The following ATP9A variants were observed in gnomAD, a reference collection of about 807,000 sequenced individuals.
The protein encoded by ATP9A is probable phospholipid-transporting ATPase IIA.
In ATP9A, 52 loss-of-function variants were observed where a neutral mutation model predicts 144.1. That is an observed-to-expected ratio of 0.36 (90% confidence interval 0.29 to 0.45). ATP9A has a LOEUF of 0.45. ATP9A is among the 20% of genes least tolerant of loss of function. The pLI, the probability that ATP9A is intolerant of heterozygous loss-of-function variation, is 1.00. For missense variants in ATP9A, 947 were observed against 1,392.7 expected, an observed-to-expected ratio of 0.68 and a Z score of 5.09; for synonymous variants, 582 against 557.4, an observed-to-expected ratio of 1.04 and a Z score of -0.62.
At chr20:51,672,343 C>T (rs2077459641) in intron 11 of ATP9A, among the ~76,000 whole-genome samples, 1 of 152,114 alleles carries the variant, frequency 6.6e-6, no homozygotes, top group Non-Finnish European at 1.5e-5. Context: ...ATTAATTCAT[C>T]ATCCTATAAA....
chr20:51,635,272 C>T (rs2077286000), intron 15 of ATP9A, among the ~76,000 whole-genome samples: 1 of 150,162 alleles, frequency 6.7e-6, no homozygotes, highest in Non-Finnish European at 1.5e-5. Context: ...AGTCCAACAA[C>T]CCACCCAGAG....
intron 22 of ATP9A, among the ~76,000 whole-genome samples, chr20:51,616,204 A>AG (rs1280123571): frequency 2.6e-5 from 4 of 152,264 alleles, no homozygotes; most frequent in Admixed American, 1.3e-4. Context: ...GGTGGTAAAG[A>AG]GGGGGAAAAA....
chr20:51,677,910 G>A (rs2077483896), intron 9 of ATP9A, among the ~76,000 whole-genome samples: 1 of 152,136 alleles, frequency 6.6e-6, no homozygotes, highest in Non-Finnish European at 1.5e-5. Flanking sequence ...GGTACACACT[G>A]CTGGCTGACG....
intron 9 of ATP9A, among the ~76,000 whole-genome samples, chr20:51,687,533 G>A (rs1304741420): frequency 2.0e-5 from 3 of 152,198 alleles, no homozygotes; most frequent in East Asian, 1.9e-4. Flanking sequence ...TTTGGCTGAA[G>A]CAGAAGGATC....
rs114087993 is a variant in ATP9A at position 51,608,617 on chromosome 20, T to A, written c.2646A>T (p.Thr882=). 1.3e-3 allele frequency: 2,135 copies of A among 1,610,304 alleles called. 32 individuals carry two copies. In the African/African-American group the frequency reaches 0.026, roughly 19 times the overall value. Residue 882 remains threonine (T), a synonymous_variant, in exon 25 of 28, where the codon ACA becomes ACT. Coordinates refer to ENST00000338821, the MANE Select transcript of ATP9A (RefSeq NM_006045.3). The stretch of plus-strand genomic sequence containing the variant: ...AAAACACAGGAAACATGGTGTAAAT[T>A]GTGGAGTACCTGGGAGAGAAAACCG... ...YQGFLIIGYS[T]IYTMFPVFSL... is the part of the protein sequence containing the mutation.
chr20:51,698,329 G>T (rs1470482973), intron 4 of ATP9A, among the ~76,000 whole-genome samples: 2 of 152,206 alleles, frequency 1.3e-5, no homozygotes, highest in African/African-American at 2.4e-5. Context: ...TTCCAAACCA[G>T]CCTGGCCACA....
At chr20:51,608,163 C>T (rs2077171095) in intron 25 of ATP9A, among the ~76,000 whole-genome samples, 1 of 152,034 alleles carries the variant, frequency 6.6e-6, no homozygotes, top group Non-Finnish European at 1.5e-5. Flanking sequence ...CACGCCACCA[C>T]ACACACTTTT....
At chr20:51,715,891 G>A (rs879898510) in intron 3 of ATP9A, among the ~76,000 whole-genome samples, 1 of 152,230 alleles carries the variant, frequency 6.6e-6, no homozygotes, top group African/African-American at 2.4e-5. Flanking sequence ...AAGAATCATA[G>A]GCAGTGACAA....
chr20:51,669,021 C>T (rs573095858), intron 13 of ATP9A, among the ~76,000 whole-genome samples: 2 of 152,132 alleles, frequency 1.3e-5, no homozygotes, highest in Admixed American at 6.6e-5. Flanking sequence ...TCTATTTCGA[C>T]GAATTTAAGC....
rs182527808 is a variant in ATP9A, at chr20:51,701,541, C to T, written c.437-4059G>A. Among the ~76,000 whole-genome samples, 621 of 152,270 alleles carry T rather than the reference C, an allele frequency of 4.1e-3. 3 individuals are homozygous for T. Among genetic ancestry groups the T allele is most frequent in the African/African-American group, 9.7e-3 (401 of 41,548 alleles). On this transcript the variant is annotated intron_variant, in intron 4 of 27. Transcript: ENST00000338821. The stretch of plus-strand genomic sequence containing the variant: ...ATCTGTTCTGCCTCAACAAAAACCC[C>T]TTTAATCCTCTGTGTTTGCAGAGCA...
intron 1 of ATP9A, among the ~76,000 whole-genome samples, chr20:51,740,275 C>T (rs1157956543): frequency 2.0e-5 from 3 of 151,496 alleles, no homozygotes; most frequent in Admixed American, 6.6e-5. Flanking sequence ...CCAGGTTGGT[C>T]TCAAACTCCT....
intron 5 of ATP9A, among the ~76,000 whole-genome samples, chr20:51,696,719 T>C (rs2077572218): frequency 6.6e-6 from 1 of 151,914 alleles, no homozygotes; most frequent in Non-Finnish European, 1.5e-5. Flanking sequence ...CCCAAAAGAG[T>C]TTCACTTTAC....
In ATP9A at chr20:51,638,069, T is replaced by TTTTA. The variant is rs753140190; in HGVS notation, c.1668+1270_1668+1273dup. Among the ~76,000 whole-genome samples, 349 of 73,092 alleles carry TTTTA rather than the reference T, an allele frequency of 4.8e-3. 1 individual carries two copies. The highest frequency in any genetic ancestry group is 6.5e-3 in the East Asian group (17 of 2,630). 48.0% of individuals were successfully genotyped at this position (73,092 alleles called of 152,430 possible). On this transcript the variant is annotated intron_variant, in intron 15 of 27. Coordinates refer to ENST00000338821, the MANE Select transcript of ATP9A (RefSeq NM_006045.3). ...TCCATGGCTAAGTAGCATTTCATCA[T>TTTTA]TTTATATATATATATATATATATAT...
At chr20:51,644,449 T>C (rs1052471532) in intron 14 of ATP9A, among the ~76,000 whole-genome samples, 1 of 151,408 alleles carries the variant, frequency 6.6e-6, no homozygotes, top group Non-Finnish European at 1.5e-5. Context: ...TTTTTTGTAT[T>C]TTTAGTAGAG....
chr20:51,745,186 G>A (rs186476503), intron 1 of ATP9A, among the ~76,000 whole-genome samples: 2 of 151,468 alleles, frequency 1.3e-5, no homozygotes, highest in East Asian at 3.9e-4. Flanking sequence ...AGAATTGCTT[G>A]AACCCGAGAG....
At chr20:51,658,367 GA>G (rs1289925954) in intron 13 of ATP9A, among the ~76,000 whole-genome samples, 4 of 151,924 alleles carry the variant, frequency 2.6e-5, no homozygotes, top group Non-Finnish European at 5.9e-5. Flanking sequence ...GGCAGGAGAG[GA>G]GTGAACTAGA....
intron 14 of ATP9A, among the ~76,000 whole-genome samples, chr20:51,640,961 A>C (rs34628110): frequency 6.6e-6 from 1 of 152,124 alleles, no homozygotes; most frequent in Non-Finnish European, 1.5e-5. Flanking sequence ...GCTGTGACTC[A>C]CACTTTTAAT....
At chr20:51,645,173 C>T (rs1009698932) in intron 14 of ATP9A, among the ~76,000 whole-genome samples, 14 of 152,298 alleles carry the variant, frequency 9.2e-5, no homozygotes, top group African/African-American at 2.6e-4. Context: ...TAGGAGCCTA[C>T]GACAGCTATA....
intron 24 of ATP9A, among the ~76,000 whole-genome samples, chr20:51,609,498 G>A (rs748884355): frequency 6.6e-6 from 1 of 152,106 alleles, no homozygotes; most frequent in Non-Finnish European, 1.5e-5. Context: ...ACCTACCTGG[G>A]TGATTCAGAG....
Sources: gnomAD v4.1 joint callset for allele counts (sites outside exome capture counted in the v4.1 genomes callset) on GRCh38, gnomAD v4.1.1 for gene constraint, MANE v1.5 for transcripts, NCBI Gene and HGNC (gene_info 2026-07-23, HGNC 2026-07-21) for gene names.